The following PLK4 variants were observed in gnomAD, a reference collection of about 807,000 sequenced individuals.
The protein encoded by PLK4 is polo like kinase 4, also known as serine/threonine-protein kinase PLK4.
Under a neutral mutation model 103.0 loss-of-function variants are expected in PLK4, and 51 were observed. That is an observed-to-expected ratio of 0.50 (90% CI 0.40 to 0.63). PLK4 has a LOEUF of 0.63. Ranked by LOEUF, PLK4 falls within the 20% of genes least tolerant of loss-of-function variation. The probability of loss-of-function intolerance (pLI) is 0.00; values close to 1 mark genes in which losing one functional copy is unlikely to be tolerated. For synonymous variants in PLK4, 389 were observed against 376.8 expected, an observed-to-expected ratio of 1.03 and a Z score of -0.38; for missense variants, 1,054 against 1,151.0, an observed-to-expected ratio of 0.92 and a Z score of 1.22.
In PLK4 at chr4:127,891,671, C is replaced by G; in HGVS notation, c.2028C>G (p.Asp676Glu). The G allele has an allele frequency of 7.0e-7, 1 of 1,421,568 alleles. No homozygotes were observed. Among genetic ancestry groups the G allele is most frequent in the East Asian group, 2.4e-5 (1 of 40,886 alleles). The allele number at this position is 1,421,568 out of a possible 1,614,324, so 88.1% of individuals were successfully genotyped here. Reference sequence around the variant, plus strand: ...ACAACATCAGTAGGTACAGCTTTGACAATTTACCAGGTATGTGAATTTACC... The same window carrying G: ...ACAACATCAGTAGGTACAGCTTTGAGAATTTACCAGGTATGTGAATTTACC... Reference protein sequence around the residue: ...PTDNISRYSFDNLPEKYWRKY... With the variant: ...PTDNISRYSFENLPEKYWRKY... The change falls in exon 9 of 16, where the codon GAC becomes GAG. Residue 676 changes from aspartate (D) to glutamate (E), a missense_variant. Physicochemically the swap from Asp to Glu is conservative, Grantham distance 45. This residue lies in a region of PLK4 where 680 missense variants were observed against 660.3 expected (regional missense o/e 1.03). Transcript: ENST00000270861.
chr4:127,889,916 TTCCA>T lies in PLK4; in HGVS notation c.1511_1514del (p.Phe504TrpfsTer33), dbSNP rs1194911565. Reference sequence around the variant, plus strand: ...TGACAGCATCAGCCCAAACCGGGACTTCCAGGGCCATCCAGATTTGCAGAAGGAC... The same window carrying T: ...TGACAGCATCAGCCCAAACCGGGACTGGGCCATCCAGATTTGCAGAAGGAC... On this transcript the variant is annotated frameshift_variant, in exon 7 of 16. Coordinates refer to ENST00000270861, the MANE Select transcript of PLK4 (RefSeq NM_014264.5). LOFTEE classifies it high-confidence loss of function. 1.2e-6 allele frequency: 2 copies of T among 1,613,624 alleles called. No homozygotes were observed. The highest frequency in any genetic ancestry group is 3.3e-5 in the Admixed American group (2 of 59,944).
intron 7 of PLK4, among the ~76,000 whole-genome samples, chr4:127,890,637 CTT>C (rs1023571799): frequency 5.9e-5 from 9 of 151,980 alleles, no homozygotes; most frequent in African/African-American, 1.4e-4. Flanking sequence ...GAAAATATAA[CTT>C]TTATTTTTTT....
rs745512275 is a variant in PLK4 at position 127,893,296 on chromosome 4, C to T, written c.2200C>T (p.His734Tyr). The change falls in exon 11 of 16, where the codon CAC (histidine) becomes TAC (tyrosine). Residue 734 changes from histidine to tyrosine, a missense_variant. Transcript: ENST00000270861. ...EVWFYDGVKI[H>Y]KTEDFIQVIE... is the part of the protein sequence containing the mutation. ...TTTTTTTTTTTTAGGGGTAAAAATA[C>T]ACAAAACAGAAGATTTCATTCAGGT... 7 of 1,553,806 alleles carry T rather than the reference C, an allele frequency of 4.5e-6. No individual in the cohort carries two copies. Among genetic ancestry groups the T allele is most frequent in the South Asian group, 1.2e-5 (1 of 82,844 alleles).
At chr4:127,897,824 C>CTTTTG (rs1735626971) in intron 15 of PLK4, among the ~76,000 whole-genome samples, 1 of 28,802 alleles carries the variant, frequency 3.5e-5, no homozygotes, top group Non-Finnish European at 6.4e-5. Flanking sequence ...AGAATTAGGG[C>CTTTTG]TTTTTTTTTT....
chr4:127,889,909 CCGGGA>C lies in PLK4; in HGVS notation c.1505_1509del (p.Arg502LeufsTer18). On this transcript the variant is annotated frameshift_variant, in exon 7 of 16. Transcript: ENST00000270861. LOFTEE classifies it high-confidence loss of function. ...CTGAATATGACAGCATCAGCCCAAA[CCGGGA>C]CTTCCAGGGCCATCCAGATTTGCAG... 1.2e-6 allele frequency: 2 copies of C among 1,612,570 alleles called. No individual in the cohort carries two copies. The highest frequency in any genetic ancestry group is 3.3e-5 in the Admixed American group (2 of 59,706).
At chr4:127,884,879 G>T (rs1329226277) in intron 4 of PLK4, among the ~76,000 whole-genome samples, 1 of 152,018 alleles carries the variant, frequency 6.6e-6, no homozygotes, top group Admixed American at 6.6e-5. Context: ...GGCAGAGATT[G>T]CAGTGAACTG....
At chr4:127,882,888 C>T (rs555462082) in intron 2 of PLK4, among the ~76,000 whole-genome samples, 36 of 152,066 alleles carry the variant, frequency 2.4e-4, no homozygotes, top group African/African-American at 8.4e-4. Flanking sequence ...CCACTGCACT[C>T]CAGCCTAGGT....
chr4:127,881,441 C>T (rs1165738810), intron 1 of PLK4: 1 of 1,339,398 alleles, frequency 7.5e-7, no homozygotes, highest in Non-Finnish European at 9.8e-7. Flanking sequence ...CCCGAGCTAC[C>T]GCGTTAGAGC....
Position 127,899,129 on chromosome 4 carries a change from T to A in PLK4, c.*588T>A, listed in dbSNP as rs1735685024. 1 of 152,252 alleles carries A rather than the reference T, an allele frequency of 6.6e-6. No homozygotes were observed. The highest frequency in any genetic ancestry group is 2.4e-5 in the African/African-American group (1 of 41,468). 9.4% of individuals were successfully genotyped at this position (152,252 alleles called of 1,614,324 possible). ...ATTTTTAAATAACTTACCAGTAAAC[T>A]CACTTTTTAAATTTTGTTGCCTGTT... On this transcript the variant is annotated 3_prime_UTR_variant, in exon 16 of 16. Transcript: ENST00000270861.
At chr4:127,897,993 CA>C (rs1735641865) in intron 15 of PLK4, among the ~76,000 whole-genome samples, 1 of 151,656 alleles carries the variant, frequency 6.6e-6, no homozygotes, top group Non-Finnish European at 1.5e-5. Flanking sequence ...CATACGCCAC[CA>C]CACCTGGCTA....
chr4:127,896,406 A>G lies in PLK4; in HGVS notation c.2704-395A>G, dbSNP rs189999028. On this transcript the variant is annotated intron_variant, in intron 14 of 15. Transcript: ENST00000270861. ...AAAGAAATTCTTGTGGCTTAAGGAC[A>G]AAGAAAATGTTGCTTTTATTCCCTA... is the stretch of plus-strand genomic sequence containing the variant. 1.8e-3 allele frequency among the ~76,000 whole-genome samples: 280 copies of G among 152,336 alleles called. 3 individuals are homozygous for G. Among genetic ancestry groups the G allele is most frequent in the African/African-American group, 6.6e-3 (276 of 41,582 alleles).
At chr4:127,887,256 AT>A (rs1344366591) in intron 5 of PLK4, 139 bp from the exon 6 acceptor site, 2 of 590,510 alleles carry the variant, frequency 3.4e-6, no homozygotes, top group Non-Finnish European at 6.1e-6. Context: ...TAGCATAGTT[AT>A]GCCAATATTG....
rs140317132 is a variant in PLK4 at position 127,893,347 on chromosome 4, A to G, written c.2251A>G (p.Thr751Ala). ...QVIEKTGKSY[T>A]LKSESEVNSL... Reference sequence around the variant, plus strand: ...GATTGAAAAGACAGGGAAGTCTTACACTTTAAAAAGTGAAAGTGAAGTTAA... The same window carrying G: ...GATTGAAAAGACAGGGAAGTCTTACGCTTTAAAAAGTGAAAGTGAAGTTAA... The change falls in exon 11 of 16, where the codon ACT (threonine) becomes GCT (alanine). Residue 751 changes from threonine to alanine, a missense_variant. Around this residue, in one of 4 missense-constraint regions of PLK4, gnomAD observed 680 missense variants for 660.3 expected, o/e 1.03. Coordinates refer to ENST00000270861, the MANE Select transcript of PLK4 (RefSeq NM_014264.5). The G allele has an allele frequency of 7.5e-6, 12 of 1,606,354 alleles. No individual in the cohort carries two copies. In the African/African-American group the frequency reaches 1.5e-4, roughly 20 times the overall value.
chr4:127,891,780 T>C, intron 9 of PLK4, 99 bp downstream of exon 9: 1 of 414,464 alleles, frequency 2.4e-6, no homozygotes, highest in Non-Finnish European at 4.3e-6. Flanking sequence ...ATAGCTTCAG[T>C]CAAACTTTAG....
At chr4:127,881,770 C>A in intron 1 of PLK4, 61 bp from the exon 2 acceptor site, 1 of 999,140 alleles carries the variant, frequency 1.0e-6, no homozygotes, top group Non-Finnish European at 1.6e-6. Flanking sequence ...TTTTCCAGCC[C>A]CTTCCCATCT....
At chr4:127,893,054 G>A (rs1735423264) in intron 10 of PLK4, 2 of 335,658 alleles carry the variant, frequency 6.0e-6, no homozygotes, top group Non-Finnish European at 1.1e-5. Context: ...TGAATATAGT[G>A]ATTTTTTAAA....
intron 2 of PLK4, 81 bp downstream of exon 2, chr4:127,882,007 T>A: frequency 1.3e-6 from 1 of 749,762 alleles, no homozygotes; most frequent in South Asian, 1.5e-5. Context: ...ACTCCTTGTC[T>A]ACTAGCCTTT....
In PLK4 at chr4:127,885,967, T is replaced by C; in HGVS notation, c.597T>C (p.Cys199=). ...AATCTGATGTTTGGTCCCTGGGCTG[T>C]ATGTTTTATACATTACTTATCGGGA... The part of the protein sequence containing the change: ...GLESDVWSLG[C]MFYTLLIGRP... The change falls in exon 5 of 16, where the codon TGT becomes TGC. Residue 199 remains cysteine, a synonymous_variant. Coordinates refer to ENST00000270861, the MANE Select transcript of PLK4 (RefSeq NM_014264.5). 6.2e-7 allele frequency: 1 copy of C among 1,614,220 alleles called. No individual in the cohort carries two copies. The highest frequency in any genetic ancestry group is 1.3e-5 in the African/African-American group (1 of 75,056).
intron 4 of PLK4, among the ~76,000 whole-genome samples, chr4:127,885,396 A>G (rs1054744419): frequency 2.0e-5 from 3 of 147,356 alleles, no homozygotes; most frequent in East Asian, 2.1e-4. Flanking sequence ...GGAGAATGGC[A>G]TGAACCCGGG....
Sources: gnomAD v4.1 joint callset for allele counts (sites outside exome capture counted in the v4.1 genomes callset) on GRCh38, gnomAD v4.1.1 for gene constraint, gnomAD v4.1.1 regional missense constraint, MANE v1.5 for transcripts, NCBI Gene and HGNC (gene_info 2026-07-23, HGNC 2026-07-21) for gene names.